The following LEMD1 variants were observed in gnomAD, a reference collection of about 807,000 sequenced individuals.
The protein encoded by LEMD1 is LEM domain containing 1.
LEMD1 carries 18 observed loss-of-function variants against 17.4 expected under a neutral mutation model. The observed-to-expected ratio is 1.04, with a 90% CI of 0.72 to 1.54. The LOEUF is 1.54. LEMD1 is among the 40% of genes most tolerant of loss of function. The pLI, the probability that LEMD1 is intolerant of heterozygous loss-of-function variation, is 0.00. For synonymous variants in LEMD1, 88 were observed against 77.8 expected (o/e 1.13, Z -0.69); for missense variants, 195 against 210.4 (o/e 0.93, Z 0.45).
At chr1:205,390,927 G>A (rs747843361) in intron 4 of LEMD1, among the ~76,000 whole-genome samples, 23 of 152,260 alleles carry the variant, frequency 1.5e-4, no homozygotes, top group Non-Finnish European at 2.8e-4. Context: ...AAGGGGCAGC[G>A]AGGAAGGCAA....
In LEMD1 at chr1:205,441,434, C is replaced by T. The variant is rs893561962; in HGVS notation, c.-39+8434G>A. On this transcript the variant is annotated intron_variant, in intron 1 of 3. Transcript: ENST00000367154. The surrounding 1 kb of genome is among the most constrained non-coding windows in gnomAD (Gnocchi z 4.3). Reference sequence around the variant, plus strand: ...AAGCAAGCTGGCTTAAAATAGCCTCCGGCTTGTGCCACCTTACACCAGGTT... The same window carrying T: ...AAGCAAGCTGGCTTAAAATAGCCTCTGGCTTGTGCCACCTTACACCAGGTT... Among the ~76,000 whole-genome samples, 21 of 152,274 alleles carry T rather than the reference C, an allele frequency of 1.4e-4. No homozygotes were observed. The highest frequency in any genetic ancestry group is 8.3e-4 in the South Asian group (4 of 4,822).
At chr1:205,401,564 T>G (rs1300663070) in intron 4 of LEMD1, among the ~76,000 whole-genome samples, 2 of 152,140 alleles carry the variant, frequency 1.3e-5, no homozygotes, top group Non-Finnish European at 2.9e-5. Flanking sequence ...TTCTTGTAAA[T>G]TTGTTTGAGT....
chr1:205,409,078 A>G (rs1405464378), intron 4 of LEMD1, among the ~76,000 whole-genome samples: 5 of 152,234 alleles, frequency 3.3e-5, no homozygotes, highest in South Asian at 2.1e-4. Context: ...GGCTCAAGCA[A>G]TCCACCCACC....
At chr1:205,419,395 T>G in intron 2 of LEMD1, 43 bp from the exon 3 acceptor site, 5 of 1,610,176 alleles carry the variant, frequency 3.1e-6, no homozygotes, top group Non-Finnish European at 4.2e-6. Context: ...TTCTGTTTTT[T>G]GTATATGAGC....
intron 4 of LEMD1, among the ~76,000 whole-genome samples, chr1:205,415,253 A>G (rs1340089481): frequency 6.6e-6 from 1 of 152,192 alleles, no homozygotes; most frequent in Non-Finnish European, 1.5e-5. Context: ...AAATGAATGC[A>G]GGAAGAAGCG....
chr1:205,406,436 G>A (rs1049608549), intron 4 of LEMD1, among the ~76,000 whole-genome samples: 2 of 152,256 alleles, frequency 1.3e-5, no homozygotes. Context: ...CAGCCTGGCT[G>A]CCGCCTTGCA....
intron 1 of LEMD1, chr1:205,440,747 G>A (rs764377845): frequency 1.3e-5 from 2 of 152,658 alleles, no homozygotes; most frequent in Non-Finnish European, 2.9e-5. Context: ...GTGGGCATGA[G>A]GAGGATGAGA....
intron 4 of LEMD1, among the ~76,000 whole-genome samples, chr1:205,388,582 T>C (rs1190696110): frequency 2.0e-5 from 3 of 152,214 alleles, no homozygotes; most frequent in Non-Finnish European, 4.4e-5. Context: ...CTGAGTTATT[T>C]GCCCTAGACA....
At chr1:205,388,145 T>C (rs1664129979) in intron 4 of LEMD1, among the ~76,000 whole-genome samples, 1 of 152,102 alleles carries the variant, frequency 6.6e-6, no homozygotes, top group Non-Finnish European at 1.5e-5. Flanking sequence ...AATACCATGT[T>C]CTGAACATCT....
intron 4 of LEMD1, among the ~76,000 whole-genome samples, chr1:205,391,746 A>G (rs1574949467): frequency 6.6e-6 from 1 of 152,286 alleles, no homozygotes; most frequent in East Asian, 1.9e-4. Context: ...ACCTGGCAGC[A>G]AAGAGGCAGT....
chr1:205,443,610 G>A (rs1264532745), intron 1 of LEMD1, among the ~76,000 whole-genome samples: 1 of 152,156 alleles, frequency 6.6e-6, no homozygotes, highest in African/African-American at 2.4e-5. Flanking sequence ...GTATCTAAGA[G>A]TAGAAAGTAT....
At chr1:205,385,347 T>A (rs527354741) in intron 4 of LEMD1, 1 of 152,202 alleles carries the variant, frequency 6.6e-6, no homozygotes, top group East Asian at 1.9e-4. Context: ...ACAGGCACTC[T>A]TCGCCGCGCC....
At chr1:205,420,785 C>G (rs1264567395) in intron 1 of LEMD1, among the ~76,000 whole-genome samples, 1 of 152,140 alleles carries the variant, frequency 6.6e-6, no homozygotes, top group Non-Finnish European at 1.5e-5. Flanking sequence ...GTCATTTTCC[C>G]CAGTGTCTTT....
intron 4 of LEMD1, among the ~76,000 whole-genome samples, chr1:205,396,830 C>T (rs961715350): frequency 1.3e-5 from 2 of 152,026 alleles, no homozygotes; most frequent in African/African-American, 4.8e-5. Flanking sequence ...GGAAGATGTC[C>T]CAAGAGGGAT....
chr1:205,406,413 G>A (rs562145941), intron 4 of LEMD1, among the ~76,000 whole-genome samples: 1 of 152,358 alleles, frequency 6.6e-6, no homozygotes, highest in African/African-American at 2.4e-5. Flanking sequence ...GGCAATGGCG[G>A]GCGCCCCTCC....
rs1319709000 is a variant in LEMD1, at chr1:205,448,530, G to C, written c.-39+1338C>G. ...CTCCCTCCAGGACTGGGCCCCCCAG[G>C]TTAAATTCTCTCACCATCTTCCACC... On this transcript the variant is annotated intron_variant, in intron 1 of 3. Coordinates refer to the LEMD1 transcript ENST00000367154. This position sits in a 1 kb window ranked among gnomAD's most constrained non-coding sequence, Gnocchi z 4.7. 2.6e-6 allele frequency: 1 copy of C among 379,530 alleles called. No individual in the cohort carries two copies. Among genetic ancestry groups the C allele is most frequent in the African/African-American group, 2.1e-5 (1 of 46,800 alleles). The allele number at this position is 379,530 out of a possible 1,614,324, so 23.5% of individuals were successfully genotyped here. A position where few individuals can be genotyped will look rare whatever the true frequency, so the allele number is the denominator to read the frequency against.
intron 4 of LEMD1, among the ~76,000 whole-genome samples, chr1:205,405,776 C>T (rs1665066076): frequency 6.7e-6 from 1 of 148,604 alleles, no homozygotes; most frequent in South Asian, 2.1e-4. Context: ...AGGAGAGGCG[C>T]TCTGCTTTTT....
intron 1 of LEMD1, among the ~76,000 whole-genome samples, chr1:205,447,496 C>A (rs1013043618): frequency 6.6e-6 from 1 of 152,028 alleles, no homozygotes; most frequent in East Asian, 1.9e-4. Context: ...AGGCGGGGTA[C>A]GAGGATGCTT....
At chr1:205,384,404 C>T in intron 4 of LEMD1, 40 bp from the exon 5 acceptor site, 17 of 1,316,084 alleles carry the variant, frequency 1.3e-5, no homozygotes, top group Non-Finnish European at 1.7e-5. Flanking sequence ...AATTTGTTTC[C>T]AATGTCTTAT....
Sources: gnomAD v4.1 joint callset for allele counts (sites outside exome capture counted in the v4.1 genomes callset) on GRCh38, gnomAD v4.1.1 for gene constraint, Gnocchi (gnomAD v3.1) non-coding constraint, MANE v1.5 for transcripts, NCBI Gene and HGNC (gene_info 2026-07-23, HGNC 2026-07-21) for gene names.